The following MDGA2 variants were observed in gnomAD, a reference collection of about 807,000 sequenced individuals.
The protein encoded by MDGA2 is MAM domain containing glycosylphosphatidylinositol anchor 2.
A neutral mutation model predicts 117.8 loss-of-function variants in MDGA2; 40 were observed. The observed-to-expected ratio is 0.34, with a 90% confidence interval of 0.26 to 0.44. The LOEUF (loss-of-function observed/expected upper bound fraction) is 0.44. Among genes scored for constraint, MDGA2 ranks in the 20% least tolerant of loss-of-function variants. The pLI, the probability that MDGA2 is intolerant of heterozygous loss-of-function variation, is 1.00. For synonymous variants in MDGA2, 452 were observed against 439.0 expected (o/e 1.03, Z -0.37); for missense variants, 1,123 against 1,250.6 (o/e 0.90, Z 1.54).
chr14:47,607,308 A>G (rs1896760234), intron 1 of MDGA2, among the ~76,000 whole-genome samples: 1 of 152,154 alleles, frequency 6.6e-6, no homozygotes, highest in Non-Finnish European at 1.5e-5. Context: ...TAGGTATTTC[A>G]ATTTCATTTA....
At chr14:47,134,954 T>C (rs1194041106) in intron 4 of MDGA2, among the ~76,000 whole-genome samples, 1 of 151,922 alleles carries the variant, frequency 6.6e-6, no homozygotes, top group Non-Finnish European at 1.5e-5. Flanking sequence ...AATAATAAAG[T>C]CTCTTTACTC....
chr14:47,023,715 A>G (rs1888375023), intron 8 of MDGA2, among the ~76,000 whole-genome samples: 1 of 152,184 alleles, frequency 6.6e-6, no homozygotes. Context: ...AATAATTAAA[A>G]GGAATTACTA....
intron 8 of MDGA2, among the ~76,000 whole-genome samples, chr14:46,991,286 T>TA (rs1428050823): frequency 6.6e-6 from 1 of 152,138 alleles, no homozygotes; most frequent in Non-Finnish European, 1.5e-5. Flanking sequence ...TTTTATAGAA[T>TA]GTAAAGAAGA....
chr14:46,953,137 TTC>T (rs1157892516), intron 9 of MDGA2, among the ~76,000 whole-genome samples: 1 of 151,960 alleles, frequency 6.6e-6, no homozygotes, highest in Non-Finnish European at 1.5e-5. Flanking sequence ...GTTTTTATTG[TTC>T]TCTTTCTGAT....
chr14:47,048,845 C>T (rs1889354344), intron 7 of MDGA2, among the ~76,000 whole-genome samples: 1 of 152,046 alleles, frequency 6.6e-6, no homozygotes, highest in Non-Finnish European at 1.5e-5. Context: ...AAATATTCTA[C>T]TGAAGCATGA....
intron 1 of MDGA2, among the ~76,000 whole-genome samples, chr14:47,383,689 C>T (rs1005448046): frequency 6.6e-6 from 1 of 151,956 alleles, no homozygotes; most frequent in African/African-American, 2.4e-5. Flanking sequence ...CAGGCACCTG[C>T]CACCTTTGTA....
intron 8 of MDGA2, among the ~76,000 whole-genome samples, chr14:47,019,223 G>C (rs192951011): frequency 1.3e-5 from 2 of 152,226 alleles, no homozygotes; most frequent in Admixed American, 1.3e-4. Flanking sequence ...ACTAAGCCAA[G>C]AATGAAAACA....
intron 9 of MDGA2, among the ~76,000 whole-genome samples, chr14:46,950,988 C>A (rs757251393): frequency 2.6e-5 from 4 of 151,800 alleles, no homozygotes; most frequent in Non-Finnish European, 4.4e-5. Context: ...ATTCCTTTAA[C>A]ATCTTGTTTT....
At chr14:47,204,182 A>G (rs1040826966) in intron 3 of MDGA2, among the ~76,000 whole-genome samples, 1 of 152,040 alleles carries the variant, frequency 6.6e-6, no homozygotes, top group African/African-American at 2.4e-5. Context: ...AGTCAATATT[A>G]CCAATATTAC....
At chr14:47,205,544 A>T (rs1258747416) in intron 3 of MDGA2, among the ~76,000 whole-genome samples, 1 of 151,976 alleles carries the variant, frequency 6.6e-6, no homozygotes, top group East Asian at 1.9e-4. Flanking sequence ...AACACTCAAA[A>T]ATCTTCATTC....
At chr14:47,122,165 T>A (rs1881684854) in intron 5 of MDGA2, among the ~76,000 whole-genome samples, 1 of 152,066 alleles carries the variant, frequency 6.6e-6, no homozygotes, top group African/African-American at 2.4e-5. Context: ...TTATGTTACC[T>A]ACCCTAGAAC....
intron 8 of MDGA2, among the ~76,000 whole-genome samples, chr14:46,993,626 T>C (rs534878802): frequency 6.6e-6 from 1 of 152,046 alleles, no homozygotes; most frequent in Admixed American, 6.6e-5. Flanking sequence ...CACGCCCAGC[T>C]AATTTTTGTA....
chr14:46,892,384 A>C (rs1284546384), intron 10 of MDGA2, among the ~76,000 whole-genome samples: 3 of 152,014 alleles, frequency 2.0e-5, no homozygotes, highest in Non-Finnish European at 4.4e-5. Flanking sequence ...TCTATGCATA[A>C]GACCTGAAGC....
chr14:47,152,378 T>C (rs1883195956), intron 3 of MDGA2, among the ~76,000 whole-genome samples: 1 of 152,162 alleles, frequency 6.6e-6, no homozygotes, highest in South Asian at 2.1e-4. Context: ...AACTAATGAA[T>C]GCTATGCCTA....
intron 6 of MDGA2, among the ~76,000 whole-genome samples, chr14:47,062,929 A>T (rs1230994132): frequency 6.6e-6 from 1 of 152,056 alleles, no homozygotes; most frequent in Non-Finnish European, 1.5e-5. Context: ...AGATATCAAA[A>T]ACAATGTTTG....
chr14:47,103,236 T>C (rs903266616), intron 5 of MDGA2, among the ~76,000 whole-genome samples: 3 of 152,234 alleles, frequency 2.0e-5, no homozygotes, highest in Non-Finnish European at 2.9e-5. Context: ...ATTCAAGGAA[T>C]AGAAAAATAT....
chr14:47,497,333 T>C (rs1380980817), intron 1 of MDGA2, among the ~76,000 whole-genome samples: 1 of 152,208 alleles, frequency 6.6e-6, no homozygotes, highest in African/African-American at 2.4e-5. Flanking sequence ...CTCGGCTCAC[T>C]GCAACCACCA....
intron 6 of MDGA2, among the ~76,000 whole-genome samples, chr14:47,089,948 C>A (rs1229607686): frequency 6.6e-6 from 1 of 152,094 alleles, no homozygotes; most frequent in Admixed American, 6.5e-5. Flanking sequence ...GCCTGGTACA[C>A]AATAAGTGCT....
chr14:47,309,730 G>C (rs1047182715), intron 1 of MDGA2, among the ~76,000 whole-genome samples: 10 of 152,004 alleles, frequency 6.6e-5, no homozygotes, highest in African/African-American at 2.4e-4. Context: ...TTTAATTTAA[G>C]TTAAATTTTA....
Sources: gnomAD v4.1 joint callset for allele counts (sites outside exome capture counted in the v4.1 genomes callset) on GRCh38, gnomAD v4.1.1 for gene constraint, MANE v1.5 for transcripts, NCBI Gene and HGNC (gene_info 2026-07-23, HGNC 2026-07-21) for gene names.